The following CTNNA3 variants were observed in gnomAD, a reference collection of about 807,000 sequenced individuals.
CTNNA3 encodes catenin alpha 3, also known as catenin alpha-3.
In CTNNA3, 76 loss-of-function variants were observed where a neutral mutation model predicts 95.7. The ratio of observed to expected loss-of-function variants is 0.79; its 90% CI spans 0.66 to 0.96. CTNNA3 has a LOEUF of 0.96. Ranked by LOEUF, CTNNA3 falls within the 40% of genes least tolerant of loss-of-function variation. CTNNA3 has a pLI of 0.00. For missense variants in CTNNA3, 1,191 were observed against 1,089.8 expected, an observed-to-expected ratio of 1.09 and a Z score of -1.31; for synonymous variants, 431 against 374.4, an observed-to-expected ratio of 1.15 and a Z score of -1.74.
Position 66,243,208 on chromosome 10 carries a change from T to C in CTNNA3, c.1884+37262A>G, listed in dbSNP as rs56753692. 2.1e-3 allele frequency among the ~76,000 whole-genome samples: 317 copies of C among 152,322 alleles called. 2 individuals carry two copies. Among genetic ancestry groups the C allele is most frequent in the African/African-American group, 7.4e-3 (308 of 41,576 alleles). ...GACATATACCAGGCCCTGTAAGAAA[T>C]TGAAGTATTTTACCCTGAAATATAT... On this transcript the variant is annotated intron_variant, in intron 13 of 17. Coordinates refer to ENST00000433211, the MANE Select transcript of CTNNA3 (RefSeq NM_013266.4).
chr10:67,481,075 T>C (rs1848205961), intron 5 of CTNNA3, among the ~76,000 whole-genome samples: 1 of 152,198 alleles, frequency 6.6e-6, no homozygotes, highest in African/African-American at 2.4e-5. Context: ...TGGTTTTAAT[T>C]CTTTTTATGT....
chr10:66,412,576 C>T (rs984167163), intron 11 of CTNNA3, among the ~76,000 whole-genome samples: 4 of 150,610 alleles, frequency 2.7e-5, no homozygotes, highest in African/African-American at 4.9e-5. Context: ...TTCTCCTTCT[C>T]AGCCTCCCAA....
chr10:67,499,313 T>A lies in CTNNA3; in HGVS notation c.579+22529A>T, dbSNP rs553353694. ...TGATCATGGTGGATAAGCTTTTTGA[T>A]GTGCTGCTGGATTCGGTTTGCCAGT... On this transcript the variant is annotated intron_variant, in intron 5 of 17. Coordinates refer to ENST00000433211, the MANE Select transcript of CTNNA3 (RefSeq NM_013266.4). Among the ~76,000 whole-genome samples the A allele has an allele frequency of 1.1e-4, 17 of 152,302 alleles. 1 individual carries two copies. The South Asian group carries it at 3.1e-3, about 28-fold the overall frequency.
At chr10:65,938,480 T>C (rs1564526775) in intron 17 of CTNNA3, among the ~76,000 whole-genome samples, 1 of 152,184 alleles carries the variant, frequency 6.6e-6, no homozygotes, top group Non-Finnish European at 1.5e-5. Context: ...AATAAGTATA[T>C]AGTGAGATGA....
chr10:65,993,236 T>C (rs1208817904), intron 15 of CTNNA3, among the ~76,000 whole-genome samples: 1 of 152,250 alleles, frequency 6.6e-6, no homozygotes, highest in Non-Finnish European at 1.5e-5. Flanking sequence ...TAAAATGTTC[T>C]GTAGATTGGC....
chr10:67,102,193 A>G (rs913804003), intron 7 of CTNNA3, among the ~76,000 whole-genome samples: 1 of 151,696 alleles, frequency 6.6e-6, no homozygotes, highest in African/African-American at 2.4e-5. Context: ...AACTGTCTCT[A>G]AATAGGGAGG....
chr10:67,066,636 C>T (rs1449037976), intron 7 of CTNNA3, among the ~76,000 whole-genome samples: 1 of 112,908 alleles, frequency 8.9e-6, no homozygotes, highest in Non-Finnish European at 1.9e-5. Flanking sequence ...CCCCACATCA[C>T]TAAATAATAA....
intron 1 of CTNNA3, among the ~76,000 whole-genome samples, chr10:67,669,336 C>T (rs370829824): frequency 2.0e-5 from 3 of 152,054 alleles, no homozygotes; most frequent in African/African-American, 7.2e-5. Context: ...CCTAGAGATA[C>T]AGATATAGTA....
At chr10:65,925,175 T>C (rs1170028174) in intron 17 of CTNNA3, among the ~76,000 whole-genome samples, 1 of 152,196 alleles carries the variant, frequency 6.6e-6, no homozygotes, top group Non-Finnish European at 1.5e-5. Flanking sequence ...GTATCCATTC[T>C]ACCCAAACAC....
intron 7 of CTNNA3, among the ~76,000 whole-genome samples, chr10:66,799,012 C>T (rs1170997622): frequency 6.6e-6 from 1 of 151,504 alleles, no homozygotes; most frequent in African/African-American, 2.4e-5. Context: ...GCTTTCTTTG[C>T]ATGTAGAGTA....
intron 5 of CTNNA3, among the ~76,000 whole-genome samples, chr10:67,398,470 G>C (rs1390826210): frequency 6.6e-6 from 1 of 152,196 alleles, no homozygotes; most frequent in Non-Finnish European, 1.5e-5. Context: ...ACTTGCTTTT[G>C]ATTTTATAGG....
intron 4 of CTNNA3, among the ~76,000 whole-genome samples, chr10:67,527,329 T>C (rs993647891): frequency 1.3e-5 from 2 of 152,140 alleles, no homozygotes; most frequent in Non-Finnish European, 2.9e-5. Flanking sequence ...AGTTTACAAA[T>C]GGATAATCCA....
At chr10:66,222,550 T>C (rs1306895079) in intron 13 of CTNNA3, among the ~76,000 whole-genome samples, 1 of 115,864 alleles carries the variant, frequency 8.6e-6, no homozygotes, top group Non-Finnish European at 1.9e-5. Context: ...AAGAAGAAAA[T>C]AAAGAAAGAG....
At chr10:67,564,232 T>C (rs1030774687) in intron 3 of CTNNA3, among the ~76,000 whole-genome samples, 5 of 149,434 alleles carry the variant, frequency 3.3e-5, no homozygotes, top group African/African-American at 9.9e-5. Context: ...AGCAAAGACT[T>C]GAAACCAACC....
intron 5 of CTNNA3, among the ~76,000 whole-genome samples, chr10:67,290,724 TGACA>T (rs751537959): frequency 3.3e-5 from 5 of 152,124 alleles, no homozygotes; most frequent in Non-Finnish European, 7.4e-5. Flanking sequence ...CCAAGAACTA[TGACA>T]GACATACAGT....
intron 17 of CTNNA3, among the ~76,000 whole-genome samples, chr10:65,957,581 C>T (rs2077758246): frequency 6.6e-6 from 1 of 152,228 alleles, no homozygotes; most frequent in South Asian, 2.1e-4. Context: ...GTAAGGCAGG[C>T]CTGGTGGTGA....
chr10:67,156,979 A>G (rs1056167399), intron 7 of CTNNA3, among the ~76,000 whole-genome samples: 32 of 152,098 alleles, frequency 2.1e-4, no homozygotes, highest in Non-Finnish European at 3.8e-4. Context: ...TTGGGTACAT[A>G]TATTTATAGT....
chr10:66,255,849 C>G (rs1196118604), intron 13 of CTNNA3, among the ~76,000 whole-genome samples: 3 of 152,214 alleles, frequency 2.0e-5, no homozygotes, highest in Non-Finnish European at 2.9e-5. Flanking sequence ...CAGGAGCACT[C>G]TAAGTTAATT....
Position 66,577,114 on chromosome 10 carries a change from C to T in CTNNA3, c.1374+44578G>A, listed in dbSNP as rs1490645589. 2.0e-5 allele frequency among the ~76,000 whole-genome samples: 3 copies of T among 150,758 alleles called. No individual in the cohort carries two copies. The East Asian group carries it at 5.8e-4, about 29-fold the overall frequency. On this transcript the variant is annotated intron_variant, in intron 10 of 17. Transcript: ENST00000433211. Reference sequence around the variant, plus strand: ...AACATTTTTTCACGTATTTGTTGGCCACATGTATGTCTTTTTTTGAGAAGT... The same window carrying T: ...AACATTTTTTCACGTATTTGTTGGCTACATGTATGTCTTTTTTTGAGAAGT...
Sources: gnomAD v4.1 joint callset for allele counts (sites outside exome capture counted in the v4.1 genomes callset) on GRCh38, gnomAD v4.1.1 for gene constraint, MANE v1.5 for transcripts, NCBI Gene and HGNC (gene_info 2026-07-23, HGNC 2026-07-21) for gene names.